The following PACSIN2 variants were observed in gnomAD, a reference collection of about 807,000 sequenced individuals.
PACSIN2 encodes the protein protein kinase C and casein kinase substrate in neurons protein 2.
A neutral mutation model predicts 63.8 loss-of-function variants in PACSIN2; 25 were observed. The observed-to-expected ratio is 0.39, with a 90% CI of 0.29 to 0.55. The LOEUF is 0.55. Among genes scored for constraint, PACSIN2 ranks in the 20% least tolerant of loss-of-function variants. The probability of loss-of-function intolerance (pLI) is 0.62; values close to 1 mark genes in which losing one functional copy is unlikely to be tolerated. For synonymous variants in PACSIN2, 255 were observed against 256.2 expected (o/e 1.00, Z 0.05); for missense variants, 518 against 646.9 (o/e 0.80, Z 2.16).
At chr22:42,977,537 G>C (rs1210620192) in intron 1 of PACSIN2, among the ~76,000 whole-genome samples, 1 of 152,168 alleles carries the variant, frequency 6.6e-6, no homozygotes, top group African/African-American at 2.4e-5. Context: ...ACCATTTTCA[G>C]CCATGAGATT....
intron 1 of PACSIN2, among the ~76,000 whole-genome samples, chr22:42,932,751 TAAAA>T (rs552740061): frequency 7.3e-6 from 1 of 136,796 alleles, no homozygotes. Context: ...AAGTCAATTC[TAAAA>T]AAAAAAAAAA....
intron 1 of PACSIN2, among the ~76,000 whole-genome samples, chr22:42,985,053 G>T (rs1922508947): frequency 6.6e-6 from 1 of 152,244 alleles, no homozygotes; most frequent in African/African-American, 2.4e-5. Flanking sequence ...TATGGGCTGG[G>T]TGTGGTGGCT....
At chr22:43,013,915 C>T (rs997788823) in intron 1 of PACSIN2, among the ~76,000 whole-genome samples, 2 of 152,190 alleles carry the variant, frequency 1.3e-5, no homozygotes, top group African/African-American at 4.8e-5. Flanking sequence ...ATGGTGCACA[C>T]ACCCAGCCAA....
chr22:42,977,819 T>G (rs1219212527), intron 1 of PACSIN2, among the ~76,000 whole-genome samples: 1 of 152,182 alleles, frequency 6.6e-6, no homozygotes, highest in Non-Finnish European at 1.5e-5. Context: ...AAGACACGCT[T>G]GCTTCCCCTT....
chr22:42,969,167 T>G (rs1362918310), intron 1 of PACSIN2, among the ~76,000 whole-genome samples: 1 of 152,234 alleles, frequency 6.6e-6, no homozygotes, highest in Non-Finnish European at 1.5e-5. Context: ...ACATGGTCAC[T>G]AACTTCTAAA....
intron 1 of PACSIN2, among the ~76,000 whole-genome samples, chr22:42,980,350 C>T (rs1921996912): frequency 6.6e-6 from 1 of 152,162 alleles, no homozygotes; most frequent in Admixed American, 6.5e-5. Flanking sequence ...CTTGTCTCTA[C>T]TAAAAATCAA....
At chr22:42,953,520 C>T (rs1933788289) in intron 1 of PACSIN2, among the ~76,000 whole-genome samples, 1 of 152,120 alleles carries the variant, frequency 6.6e-6, no homozygotes, top group African/African-American at 2.4e-5. Flanking sequence ...TTAGCATTAA[C>T]AAACCATTAA....
intron 1 of PACSIN2, among the ~76,000 whole-genome samples, chr22:42,972,123 A>G (rs1921368940): frequency 6.6e-6 from 1 of 152,266 alleles, no homozygotes; most frequent in Admixed American, 6.5e-5. Flanking sequence ...CTGTGTGGAA[A>G]GAAGTAGACA....
rs1928146557 is a variant in PACSIN2 at position 42,871,725 on chromosome 22, C to G, written c.1349-256G>C. Among the ~76,000 whole-genome samples the G allele has an allele frequency of 1.3e-5, 2 of 152,214 alleles. No individual in the cohort carries two copies. The highest frequency in any genetic ancestry group is 4.1e-4 in the South Asian group (2 of 4,834). ...AAGCTGCTCTCAGCTGCCACAGTGG[C>G]TCCCACTGAGACTGCGGCATCCAGC... On this transcript the variant is annotated intron_variant, in intron 10 of 10. Coordinates refer to ENST00000263246, the MANE Select transcript of PACSIN2 (RefSeq NM_001184970.3). The surrounding 1 kb of genome is among the most constrained non-coding windows in gnomAD (Gnocchi z 5.4).
intron 1 of PACSIN2, among the ~76,000 whole-genome samples, chr22:42,976,955 C>G (rs755941337): frequency 2.0e-5 from 3 of 152,174 alleles, no homozygotes; most frequent in Non-Finnish European, 2.9e-5. Context: ...TCATGTTATG[C>G]TATCCTTGCA....
In PACSIN2 at chr22:42,996,860, T is replaced by C. The variant is rs182432870; in HGVS notation, c.-78+18161A>G. The stretch of plus-strand genomic sequence containing the variant: ...CATCACATTTCCTAGGTATGAGGCC[T>C]AGGCCCAGCTTTCTCACTTGCAAAA... On this transcript the variant is annotated intron_variant, in intron 1 of 10. Coordinates refer to ENST00000263246, the MANE Select transcript of PACSIN2 (RefSeq NM_001184970.3). Among the ~76,000 whole-genome samples, 333 of 152,358 alleles carry C rather than the reference T, an allele frequency of 2.2e-3. 1 individual carries two copies. Among genetic ancestry groups the C allele is most frequent in the Non-Finnish European group, 4.0e-3 (271 of 68,028 alleles).
intron 1 of PACSIN2, among the ~76,000 whole-genome samples, chr22:42,916,925 G>C (rs1031491511): frequency 6.6e-6 from 1 of 152,184 alleles, no homozygotes; most frequent in African/African-American, 2.4e-5. Context: ...GGCTGGGTTT[G>C]ATTTTTGTTT....
At chr22:42,971,886 A>G (rs1368760658) in intron 1 of PACSIN2, among the ~76,000 whole-genome samples, 177 of 32,792 alleles carry the variant, frequency 5.4e-3, no homozygotes, top group East Asian at 8.3e-3. Context: ...CCCGTTCGGG[A>G]GGTGGGGGGC....
intron 1 of PACSIN2, among the ~76,000 whole-genome samples, chr22:42,952,707 G>A (rs1460167759): frequency 3.3e-5 from 5 of 150,494 alleles, no homozygotes; most frequent in African/African-American, 7.4e-5. Flanking sequence ...CTGTCGCCCC[G>A]GCTGGAGTGC....
At chr22:42,953,083 G>A (rs9623724) in intron 1 of PACSIN2, among the ~76,000 whole-genome samples, 9,134 of 152,014 alleles carry the variant, frequency 0.06, 903 homozygotes, top group African/African-American at 0.21. Context: ...AATAGCATTA[G>A]CTGTATAAAA....
At position 43,000,962 on chromosome 22, in the gene PACSIN2, C is replaced by T. The variant is rs73423039; in HGVS notation, c.-78+14059G>A. On this transcript the variant is annotated intron_variant, in intron 1 of 10. Coordinates refer to ENST00000263246, the MANE Select transcript of PACSIN2 (RefSeq NM_001184970.3). The stretch of plus-strand genomic sequence containing the variant: ...CTCAGGCAAGGCCCAGCTCTGGGCC[C>T]CAACAAGCACCCCAGGCCTAAAAAG... Among the ~76,000 whole-genome samples, 109 of 152,292 alleles carry T rather than the reference C, an allele frequency of 7.2e-4. 1 individual carries two copies. The highest frequency in any genetic ancestry group is 2.5e-3 in the African/African-American group (104 of 41,550).
intron 1 of PACSIN2, among the ~76,000 whole-genome samples, chr22:42,985,925 A>G (rs996995730): frequency 2.9e-5 from 4 of 137,156 alleles, no homozygotes; most frequent in African/African-American, 1.1e-4. Flanking sequence ...GATGTCCATT[A>G]CAGGGCCACT....
intron 1 of PACSIN2, among the ~76,000 whole-genome samples, chr22:42,952,323 ATTATT>A (rs921881894): frequency 6.6e-5 from 10 of 151,690 alleles, no homozygotes; most frequent in Non-Finnish European, 8.8e-5. Context: ...TTATTTATTT[ATTATT>A]TTATTTTATT....
At position 42,912,111 on chromosome 22, in the gene PACSIN2, T is replaced by C. The variant is rs765508708; in HGVS notation, c.-31A>G. 1 of 1,546,420 alleles carries C rather than the reference T, an allele frequency of 6.5e-7. No individual in the cohort carries two copies. Among genetic ancestry groups the C allele is most frequent in the Admixed American group, 2.0e-5 (1 of 51,164 alleles). On this transcript the variant is annotated 5_prime_UTR_variant, in exon 2 of 11. Coordinates refer to ENST00000263246, the MANE Select transcript of PACSIN2 (RefSeq NM_001184970.3). ...CAAAGGCTGAGGGAGCAGCAAAGTA[T>C]ACTTAGTCAGGGGTCAACTTCGAAC...
Sources: allele counts gnomAD v4.1 joint callset (sites outside exome capture counted in the v4.1 genomes callset), GRCh38; gene constraint gnomAD v4.1.1; non-coding constraint Gnocchi (gnomAD v3.1); transcripts MANE v1.5; gene names NCBI Gene and HGNC (gene_info 2026-07-23, HGNC 2026-07-21).